The following ZNRF2 variants were observed in gnomAD, a reference collection of about 807,000 sequenced individuals.
ZNRF2 encodes E3 ubiquitin-protein ligase ZNRF2.
A neutral mutation model predicts 20.4 loss-of-function variants in ZNRF2; 16 were observed. The observed-to-expected ratio is 0.79, with a 90% CI of 0.53 to 1.19. The LOEUF is 1.19. Ranked by LOEUF, ZNRF2 falls within the 50% of genes most tolerant of loss-of-function variation. The probability of loss-of-function intolerance (pLI) is 0.00; values close to 1 mark genes in which losing one functional copy is unlikely to be tolerated. For synonymous variants in ZNRF2, 178 were observed against 144.9 expected (o/e 1.23, Z -1.64); for missense variants, 363 against 332.4 (o/e 1.09, Z -0.72).
At chr7:30,344,658 C>G (rs1799849264) in intron 2 of ZNRF2, among the ~76,000 whole-genome samples, 1 of 152,138 alleles carries the variant, frequency 6.6e-6, no homozygotes, top group Non-Finnish European at 1.5e-5. Context: ...TTTAATCTTA[C>G]CATTACGTAG....
intron 2 of ZNRF2, among the ~76,000 whole-genome samples, chr7:30,325,542 T>C (rs1486215662): frequency 6.6e-6 from 1 of 152,166 alleles, no homozygotes; most frequent in African/African-American, 2.4e-5. Flanking sequence ...TCTCCTCAGG[T>C]AACAAAAATG....
chr7:30,350,222 A>G (rs188366129), intron 2 of ZNRF2, among the ~76,000 whole-genome samples: 2 of 152,038 alleles, frequency 1.3e-5, no homozygotes, highest in African/African-American at 4.8e-5. Context: ...TTTTAGTTAC[A>G]TTTTCTTGGC....
At chr7:30,295,373 C>T (rs765290009) in intron 1 of ZNRF2, among the ~76,000 whole-genome samples, 7 of 152,098 alleles carry the variant, frequency 4.6e-5, no homozygotes, top group Non-Finnish European at 8.8e-5. Flanking sequence ...CTTGGGCTGA[C>T]CTTAAGCAAG....
chr7:30,349,431 G>C (rs1044854602), intron 2 of ZNRF2, among the ~76,000 whole-genome samples: 1 of 152,120 alleles, frequency 6.6e-6, no homozygotes, highest in South Asian at 2.1e-4. Flanking sequence ...CACGTAGCTA[G>C]TGTTCAGAAC....
At chr7:30,341,089 C>T (rs1284715666) in intron 2 of ZNRF2, among the ~76,000 whole-genome samples, 1 of 151,952 alleles carries the variant, frequency 6.6e-6, no homozygotes, top group African/African-American at 2.4e-5. Flanking sequence ...TGGTGATATC[C>T]CCTTTGTCAT....
At chr7:30,312,248 TG>T (rs1304930572) in intron 1 of ZNRF2, among the ~76,000 whole-genome samples, 4 of 152,128 alleles carry the variant, frequency 2.6e-5, no homozygotes, top group Non-Finnish European at 4.4e-5. Context: ...CTCAGAGTGT[TG>T]GGATTACAGA....
At chr7:30,359,982 G>GA (rs1337271420) in intron 3 of ZNRF2, among the ~76,000 whole-genome samples, 1 of 152,096 alleles carries the variant, frequency 6.6e-6, no homozygotes, top group Admixed American at 6.5e-5. Context: ...AGTTAATTCA[G>GA]AAAAAAGGAC....
At chr7:30,358,108 AAT>A (rs1369042044) in intron 3 of ZNRF2, among the ~76,000 whole-genome samples, 1 of 152,186 alleles carries the variant, frequency 6.6e-6, no homozygotes, top group East Asian at 1.9e-4. Flanking sequence ...TAACTCAATA[AAT>A]GTGAGAAAGC....
intron 3 of ZNRF2, among the ~76,000 whole-genome samples, chr7:30,359,419 C>T (rs1387018220): frequency 2.0e-5 from 3 of 152,146 alleles, no homozygotes; most frequent in African/African-American, 7.2e-5. Context: ...CCCTCTATGA[C>T]TTTCTGTAAT....
At chr7:30,340,391 A>G (rs959374573) in intron 2 of ZNRF2, among the ~76,000 whole-genome samples, 2 of 152,202 alleles carry the variant, frequency 1.3e-5, no homozygotes, top group Admixed American at 1.3e-4. Flanking sequence ...GGTTTGTCAT[A>G]AATAGTTATT....
In ZNRF2 at chr7:30,308,429, A is replaced by G. The variant is rs367694841; in HGVS notation, c.470-15213A>G. On this transcript the variant is annotated intron_variant, in intron 1 of 4. Coordinates refer to ENST00000323037, the MANE Select transcript of ZNRF2 (RefSeq NM_147128.4). Reference sequence around the variant, plus strand: ...TCTTTAGGACAGTATTACTTAAAATATGGTCCTTGAACGAGCACCATTGGT... The same window carrying G: ...TCTTTAGGACAGTATTACTTAAAATGTGGTCCTTGAACGAGCACCATTGGT... 2.6e-5 allele frequency among the ~76,000 whole-genome samples: 4 copies of G among 152,340 alleles called. No homozygotes were observed. The East Asian group carries it at 7.7e-4, about 29-fold the overall frequency.
intron 2 of ZNRF2, among the ~76,000 whole-genome samples, chr7:30,325,384 A>C (rs1337597296): frequency 6.6e-6 from 1 of 152,196 alleles, no homozygotes; most frequent in African/African-American, 2.4e-5. Flanking sequence ...CTGTGTTAGG[A>C]ATTAGAGATA....
At chr7:30,312,527 A>C (rs888288337) in intron 1 of ZNRF2, among the ~76,000 whole-genome samples, 2 of 152,152 alleles carry the variant, frequency 1.3e-5, no homozygotes, top group Admixed American at 1.3e-4. Context: ...TTCATCTTCA[A>C]ATCTGGGCAA....
rs73685987 is a variant in ZNRF2, at chr7:30,285,903, C to T, written c.469+77C>T. The T allele has an allele frequency of 2.2e-3, 2,971 of 1,354,702 alleles. 49 individuals carry two copies. The African/African-American group carries it at 0.039, about 18-fold the overall frequency. The allele number at this position is 1,354,702 out of a possible 1,614,324, so 83.9% of individuals were successfully genotyped here. A position where few individuals can be genotyped will look rare whatever the true frequency, so the allele number is the denominator to read the frequency against. ...GGGCCGTGGCCGCCGGCTATTTTTA[C>T]CCTTCTCCTTTTCTCCTTCTGCCGG... On this transcript the variant is annotated intron_variant, in intron 1 of 4. Transcript: ENST00000323037.
intron 1 of ZNRF2, among the ~76,000 whole-genome samples, chr7:30,315,309 C>G (rs547589108): frequency 6.6e-6 from 1 of 152,222 alleles, no homozygotes; most frequent in East Asian, 1.9e-4. Context: ...AATAGACCCC[C>G]TATGATTGTT....
intron 2 of ZNRF2, among the ~76,000 whole-genome samples, chr7:30,343,443 G>T (rs1228152220): frequency 6.6e-6 from 1 of 151,774 alleles, no homozygotes; most frequent in African/African-American, 2.4e-5. Context: ...ATGGACTAAG[G>T]TGAATTAAGG....
intron 2 of ZNRF2, among the ~76,000 whole-genome samples, chr7:30,331,003 A>G (rs1263255306): frequency 6.6e-6 from 1 of 152,158 alleles, no homozygotes; most frequent in Non-Finnish European, 1.5e-5. Flanking sequence ...GTAAGGCAGA[A>G]TTGAAGAGCT....
At chr7:30,314,324 T>TACATA (rs143522767) in intron 1 of ZNRF2, among the ~76,000 whole-genome samples, 2 of 152,192 alleles carry the variant, frequency 1.3e-5, no homozygotes, top group East Asian at 1.9e-4. Flanking sequence ...AACATTACAT[T>TACATA]ACATAACATA....
intron 1 of ZNRF2, among the ~76,000 whole-genome samples, chr7:30,295,202 G>T (rs1344981890): frequency 6.6e-6 from 1 of 151,994 alleles, no homozygotes; most frequent in African/African-American, 2.4e-5. Flanking sequence ...TTTCAGGCCT[G>T]AAGGGAGTAC....
Sources: allele counts gnomAD v4.1 joint callset (sites outside exome capture counted in the v4.1 genomes callset), GRCh38; gene constraint gnomAD v4.1.1; transcripts MANE v1.5; gene names NCBI Gene and HGNC (gene_info 2026-07-23, HGNC 2026-07-21).